The following BRMS1L variants were observed in gnomAD, a reference collection of about 807,000 sequenced individuals.
BRMS1L encodes the protein breast cancer metastasis-suppressor 1-like protein.
Under a neutral mutation model 50.3 loss-of-function variants are expected in BRMS1L, and 23 were observed. That is an observed-to-expected ratio of 0.46 (90% CI 0.33 to 0.65). The LOEUF (loss-of-function observed/expected upper bound fraction) is 0.65, where lower values mean the gene tolerates loss of function less well. Ranked by LOEUF, BRMS1L falls within the 30% of genes least tolerant of loss-of-function variation. The pLI, the probability that BRMS1L is intolerant of heterozygous loss-of-function variation, is 0.02. For synonymous variants in BRMS1L, 114 were observed against 126.9 expected (o/e 0.90, Z 0.69); for missense variants, 286 against 386.1 (o/e 0.74, Z 2.17).
At chr14:35,832,888 G>T in intron 2 of BRMS1L, 90 bp from the exon 3 acceptor site, 1 of 1,129,124 alleles carries the variant, frequency 8.9e-7, no homozygotes, top group Non-Finnish European at 1.3e-6. Context: ...GAATATAAAT[G>T]ATATTGGGAA....
intron 4 of BRMS1L, 131 bp from the exon 5 acceptor site, chr14:35,862,459 G>A (rs2415307): frequency 0.19 from 72,060 of 384,678 alleles, 7,382 homozygotes; most frequent in East Asian, 0.35. Context: ...TTCTTCTTTA[G>A]AATTTTTAAT....
chr14:35,858,463 G>A (rs1368990345), intron 4 of BRMS1L: 1 of 152,146 alleles, frequency 6.6e-6, no homozygotes, highest in Non-Finnish European at 1.5e-5. Context: ...CCTGACAAAG[G>A]ATTTCTAGAA....
intron 4 of BRMS1L, among the ~76,000 whole-genome samples, chr14:35,853,652 C>T (rs963984738): frequency 7.2e-5 from 11 of 152,124 alleles, no homozygotes; most frequent in African/African-American, 2.4e-5. Flanking sequence ...GTCTTGAGCT[C>T]CTGGGCTCAA....
intron 8 of BRMS1L, chr14:35,865,971 T>C: frequency 1.9e-6 from 1 of 519,910 alleles, no homozygotes; most frequent in Non-Finnish European, 3.3e-6. Flanking sequence ...AGTGTTCAGC[T>C]ACATTCTTAT....
chr14:35,842,429 C>T (rs2078078979), intron 4 of BRMS1L, among the ~76,000 whole-genome samples: 1 of 152,084 alleles, frequency 6.6e-6, no homozygotes, highest in South Asian at 2.1e-4. Context: ...TTCTCCTTTG[C>T]TTATGGAGCT....
chr14:35,848,310 A>G (rs1272797614), intron 4 of BRMS1L, among the ~76,000 whole-genome samples: 2 of 152,112 alleles, frequency 1.3e-5, no homozygotes, highest in African/African-American at 2.4e-5. Flanking sequence ...CTCTCTTAGC[A>G]AGTTTCCAGT....
intron 1 of BRMS1L, among the ~76,000 whole-genome samples, chr14:35,827,339 G>A (rs1419288052): frequency 1.3e-5 from 2 of 152,120 alleles, no homozygotes; most frequent in Non-Finnish European, 2.9e-5. Context: ...GGGGAGGAGG[G>A]CAGATTAACA....
At chr14:35,856,407 T>C (rs1385656714) in intron 4 of BRMS1L, among the ~76,000 whole-genome samples, 1 of 152,174 alleles carries the variant, frequency 6.6e-6, no homozygotes, top group Non-Finnish European at 1.5e-5. Context: ...TCAGAATCCT[T>C]CAGTGTTCAT....
intron 4 of BRMS1L, among the ~76,000 whole-genome samples, chr14:35,851,171 C>T (rs192139805): frequency 1.3e-5 from 2 of 152,270 alleles, no homozygotes; most frequent in Middle Eastern, 3.4e-3. Flanking sequence ...CCTGTACTTC[C>T]CATTACCATC....
At chr14:35,829,020 G>A (rs113272724) in intron 1 of BRMS1L, among the ~76,000 whole-genome samples, 7,324 of 150,734 alleles carry the variant, frequency 0.049, 550 homozygotes, top group African/African-American at 0.16. Flanking sequence ...ATCTTGGCTC[G>A]CTGCAACCTC....
In BRMS1L at chr14:35,826,795, C is replaced by T. The variant is rs536898613; in HGVS notation, c.142+137C>T. ...AAGGGGCGGAGACTGGCTCTGGGCC[C>T]TGGGCTGCACCCTGACCGGTCGCTG... On this transcript the variant is annotated intron_variant, in intron 1 of 9. Transcript: ENST00000216807. The T allele has an allele frequency of 2.0e-5, 26 of 1,287,024 alleles. No individual in the cohort carries two copies. In the South Asian group the frequency reaches 3.0e-4, roughly 15 times the overall value. 79.7% of individuals were successfully genotyped at this position (1,287,024 alleles called of 1,614,324 possible). A position where few individuals can be genotyped will look rare whatever the true frequency, so the allele number is the denominator to read the frequency against.
At chr14:35,866,752 T>C (rs1348766754) in intron 8 of BRMS1L, among the ~76,000 whole-genome samples, 1 of 152,200 alleles carries the variant, frequency 6.6e-6, no homozygotes, top group Non-Finnish European at 1.5e-5. Flanking sequence ...TTAAACTTTT[T>C]ATTTTGTGAG....
intron 4 of BRMS1L, among the ~76,000 whole-genome samples, chr14:35,860,801 C>T (rs2078340793): frequency 6.6e-6 from 1 of 152,120 alleles, no homozygotes; most frequent in Admixed American, 6.5e-5. Flanking sequence ...TTAAAGCTCT[C>T]CTGATGAGAA....
intron 4 of BRMS1L, among the ~76,000 whole-genome samples, chr14:35,860,604 T>C (rs2078337653): frequency 6.6e-6 from 1 of 151,468 alleles, no homozygotes; most frequent in Non-Finnish European, 1.5e-5. Context: ...AAAACTATTG[T>C]AGCGTTTTAA....
chr14:35,859,820 TAA>T (rs2078327021), intron 4 of BRMS1L, among the ~76,000 whole-genome samples: 1 of 152,050 alleles, frequency 6.6e-6, no homozygotes, highest in Non-Finnish European at 1.5e-5. Context: ...TAGCTAATTT[TAA>T]AAAATATTTT....
At chr14:35,845,152 GATA>G (rs1300739863) in intron 4 of BRMS1L, among the ~76,000 whole-genome samples, 1 of 152,126 alleles carries the variant, frequency 6.6e-6, no homozygotes, top group Non-Finnish European at 1.5e-5. Flanking sequence ...TTTCCATGTA[GATA>G]ATAATGTCAT....
intron 4 of BRMS1L, among the ~76,000 whole-genome samples, chr14:35,853,447 C>T (rs1018212676): frequency 6.6e-6 from 1 of 152,026 alleles, no homozygotes; most frequent in African/African-American, 2.4e-5. Context: ...GACAGGGTCT[C>T]ATTGTCTCTC....
At chr14:35,831,817 G>A (rs987891158) in intron 2 of BRMS1L, among the ~76,000 whole-genome samples, 2 of 152,180 alleles carry the variant, frequency 1.3e-5, no homozygotes, top group Non-Finnish European at 2.9e-5. Flanking sequence ...CTACTTGGGA[G>A]GTTAAGGCAG....
chr14:35,827,944 A>G (rs1231531270), intron 1 of BRMS1L, among the ~76,000 whole-genome samples: 3 of 152,184 alleles, frequency 2.0e-5, no homozygotes, highest in African/African-American at 7.2e-5. Context: ...TATTCAAAAG[A>G]GCGTGAAAAC....
Sources: allele counts gnomAD v4.1 joint callset (sites outside exome capture counted in the v4.1 genomes callset), GRCh38; gene constraint gnomAD v4.1.1; transcripts MANE v1.5; gene names NCBI Gene and HGNC (gene_info 2026-07-23, HGNC 2026-07-21).